COL21A1: variants seen among roughly 807,000 people sequenced by gnomAD.
The protein encoded by COL21A1 is collagen alpha-1(XXI) chain.
COL21A1 carries 149 observed loss-of-function variants against 137.9 expected under a neutral mutation model. The ratio of observed to expected loss-of-function variants is 1.08; its 90% CI spans 0.95 to 1.24. The LOEUF (loss-of-function observed/expected upper bound fraction) is 1.24, where lower values mean the gene tolerates loss of function less well. COL21A1 is among the 50% of genes most tolerant of loss of function. The pLI is 0.00. For synonymous variants in COL21A1, 456 were observed against 391.5 expected (o/e 1.16, Z -1.95); for missense variants, 1,167 against 1,158.4 (o/e 1.01, Z -0.11).
chr6:56,098,658 T>TAA (rs1170895540), intron 17 of COL21A1, among the ~76,000 whole-genome samples: 1 of 20,760 alleles, frequency 4.8e-5, no homozygotes, highest in African/African-American at 1.9e-4. Context: ...AATATATAAA[T>TAA]ATATATAAAT....
chr6:56,213,977 A>G (rs1780336260), intron 1 of COL21A1, among the ~76,000 whole-genome samples: 1 of 152,100 alleles, frequency 6.6e-6, no homozygotes. Context: ...AAAAATAACA[A>G]AAACACAAAG....
chr6:56,392,586 TG>T (rs1238619317), intron 1 of COL21A1, among the ~76,000 whole-genome samples: 3 of 152,158 alleles, frequency 2.0e-5, no homozygotes, highest in African/African-American at 7.2e-5. Flanking sequence ...ATCTTATATT[TG>T]GAAAACCCTA....
chr6:56,171,160 T>C, intron 3 of COL21A1, 32 bp from the exon 4 acceptor site: 1 of 1,509,490 alleles, frequency 6.6e-7, no homozygotes, highest in Non-Finnish European at 8.9e-7. Context: ...AGTTGGTTAA[T>C]CATGGACTAT....
rs377754960 is a variant in COL21A1 at position 56,090,113 on chromosome 6, C to T, written c.1812+11359G>A. Among the ~76,000 whole-genome samples the T allele has an allele frequency of 1.6e-3, 251 of 152,250 alleles. 2 individuals carry two copies. Among genetic ancestry groups the T allele is most frequent in the African/African-American group, 5.8e-3 (239 of 41,546 alleles). ...AATTAGCTGGGCATGGTGGCACGCG[C>T]CTGTAGTCTCAGCTACTCAGGAGGC... On this transcript the variant is annotated intron_variant, in intron 17 of 29. Coordinates refer to ENST00000244728, the MANE Select transcript of COL21A1 (RefSeq NM_030820.4).
In COL21A1 at chr6:56,098,321, A is replaced by T. The variant is rs1315212145; in HGVS notation, c.1812+3151T>A. 2.2e-4 allele frequency among the ~76,000 whole-genome samples: 13 copies of T among 59,754 alleles called. 2 individuals are homozygous for T. In the East Asian group the frequency reaches 3.4e-3, roughly 16 times the overall value. The allele number at this position is 59,754 out of a possible 152,430, so 39.2% of individuals were successfully genotyped here. A position where few individuals can be genotyped will look rare whatever the true frequency, so the allele number is the denominator to read the frequency against. On this transcript the variant is annotated intron_variant, in intron 17 of 29. Coordinates refer to ENST00000244728, the MANE Select transcript of COL21A1 (RefSeq NM_030820.4). ...TACATATGTAAATATATAAATATAT[A>T]TAAATATATAAACACATATGTAAAT...
intron 1 of COL21A1, among the ~76,000 whole-genome samples, chr6:56,298,245 G>A (rs1764203834): frequency 6.6e-6 from 1 of 152,064 alleles, no homozygotes; most frequent in African/African-American, 2.4e-5. Context: ...GAATTAATGT[G>A]AGCCAACAGG....
chr6:56,142,926 T>C (rs1395990282), intron 10 of COL21A1, among the ~76,000 whole-genome samples: 1 of 152,216 alleles, frequency 6.6e-6, no homozygotes, highest in Non-Finnish European at 1.5e-5. Context: ...CATTTCTATG[T>C]GGCTATTCAT....
chr6:56,167,090 G>T (rs1042510202), intron 6 of COL21A1, 107 bp from the exon 7 acceptor site: 1 of 758,048 alleles, frequency 1.3e-6, no homozygotes, highest in Middle Eastern at 2.3e-4. Flanking sequence ...ATTGTGTAAG[G>T]TTTACATCAC....
chr6:56,155,119 T>C (rs1164579023), intron 10 of COL21A1, among the ~76,000 whole-genome samples: 1 of 152,114 alleles, frequency 6.6e-6, no homozygotes, highest in Admixed American at 6.5e-5. Flanking sequence ...CCTCTATGCG[T>C]CCATATGTTT....
intron 16 of COL21A1, among the ~76,000 whole-genome samples, chr6:56,105,498 T>C (rs1770810494): frequency 6.6e-6 from 1 of 152,186 alleles, no homozygotes; most frequent in African/African-American, 2.4e-5. Flanking sequence ...TTTTTAAACA[T>C]AAAGCCAATC....
chr6:56,209,998 C>A (rs1780055491), intron 1 of COL21A1, among the ~76,000 whole-genome samples: 1 of 151,768 alleles, frequency 6.6e-6, no homozygotes, highest in Non-Finnish European at 1.5e-5. Context: ...AAGCTGGAAA[C>A]CATCATTCTC....
intron 12 of COL21A1, among the ~76,000 whole-genome samples, chr6:56,130,308 G>A (rs1184834807): frequency 6.7e-6 from 1 of 150,156 alleles, no homozygotes; most frequent in Non-Finnish European, 1.5e-5. Context: ...TTTGCTTGGA[G>A]CAGGAATGGG....
chr6:56,080,150 C>T (rs1239465313), intron 17 of COL21A1, among the ~76,000 whole-genome samples: 3 of 151,720 alleles, frequency 2.0e-5, no homozygotes, highest in South Asian at 2.1e-4. Context: ...GTTTGTTGAT[C>T]GCAAAGTATT....
chr6:56,251,662 C>G (rs150073678), upstream of COL21A1, among the ~76,000 whole-genome samples: 10 of 152,078 alleles, frequency 6.6e-5, no homozygotes, highest in African/African-American at 2.2e-4. Context: ...AGGACTAGCC[C>G]CTGTCCTCCC....
At chr6:56,076,863 G>A (rs1168854439) in intron 18 of COL21A1, among the ~76,000 whole-genome samples, 1 of 151,462 alleles carries the variant, frequency 6.6e-6, no homozygotes, top group Non-Finnish European at 1.5e-5. Flanking sequence ...TAATTCCACA[G>A]AGCAAAGAAG....
At chr6:56,209,466 G>A (rs781553757) in intron 1 of COL21A1, among the ~76,000 whole-genome samples, 5 of 152,122 alleles carry the variant, frequency 3.3e-5, no homozygotes, top group East Asian at 3.9e-4. Flanking sequence ...AAAAGTGAGC[G>A]AAGGATATGA....
At chr6:56,259,340 T>G (rs1384432697) in intron 1 of COL21A1, among the ~76,000 whole-genome samples, 1 of 152,202 alleles carries the variant, frequency 6.6e-6, no homozygotes, top group Non-Finnish European at 1.5e-5. Flanking sequence ...CTCCATTTGT[T>G]GCTTTTCCTT....
chr6:56,177,934 C>T (rs1421058924), intron 3 of COL21A1, among the ~76,000 whole-genome samples: 3 of 151,516 alleles, frequency 2.0e-5, no homozygotes, highest in Admixed American at 6.6e-5. Context: ...TATATCTTTT[C>T]GAGTGTGGAT....
intron 1 of COL21A1, among the ~76,000 whole-genome samples, chr6:56,355,010 TCCTATACAAATTAAA>T (rs1765799899): frequency 6.6e-6 from 1 of 152,200 alleles, no homozygotes; most frequent in Admixed American, 6.5e-5. Flanking sequence ...ATCCTGCCAT[TCCTATACAAATTAAA>T]CCTCAGAGGG....
Sources: allele counts gnomAD v4.1 joint callset (sites outside exome capture counted in the v4.1 genomes callset), GRCh38; gene constraint gnomAD v4.1.1; transcripts MANE v1.5; gene names NCBI Gene and HGNC (gene_info 2026-07-23, HGNC 2026-07-21).